AFP: variants seen among roughly 807,000 people sequenced by gnomAD.
The protein encoded by AFP is alpha-fetoprotein.
A neutral mutation model predicts 78.9 loss-of-function variants in AFP; 64 were observed. The ratio of observed to expected loss-of-function variants is 0.81; its 90% confidence interval spans 0.66 to 1.00. AFP has a LOEUF of 1.00. Ranked by LOEUF, AFP falls within the 50% of genes least tolerant of loss-of-function variation. The pLI is 0.00. For missense variants in AFP, 689 were observed against 703.8 expected (o/e 0.98, Z 0.24); for synonymous variants, 254 against 243.8 (o/e 1.04, Z -0.39).
chr4:73,437,866 A>T (rs1203056339), intron 2 of AFP, among the ~76,000 whole-genome samples: 1 of 152,004 alleles, frequency 6.6e-6, no homozygotes, highest in African/African-American at 2.4e-5. Flanking sequence ...AAGAATATAG[A>T]TACCCTCAAT....
At position 73,455,934 on chromosome 4, in the gene AFP, T is replaced by C; in HGVS notation, c.*314T>C. The stretch of plus-strand genomic sequence containing the variant: ...GATGGATTTACAGCACTAGATCACT[T>C]GGTGAACTGAAAAATGTTCCCAAGT... On this transcript the variant is annotated 3_prime_UTR_variant, in exon 15 of 15. Transcript: ENST00000395792. 1 of 365,342 alleles carries C rather than the reference T, an allele frequency of 2.7e-6. No homozygotes were observed. Among genetic ancestry groups the C allele is most frequent in the Non-Finnish European group, 4.9e-6 (1 of 205,126 alleles). 22.6% of individuals were successfully genotyped at this position (365,342 alleles called of 1,614,324 possible). A position where few individuals can be genotyped will look rare whatever the true frequency, so the allele number is the denominator to read the frequency against.
chr4:73,447,424 A>G, intron 7 of AFP, 38 bp from the exon 8 acceptor site: 2 of 1,451,892 alleles, frequency 1.4e-6, no homozygotes, highest in Non-Finnish European at 1.9e-6. Flanking sequence ...ATTAAAGAAT[A>G]AATCTTTAAA....
chr4:73,445,075 C>T lies in AFP; in HGVS notation c.796C>T (p.His266Tyr). Reference protein sequence around the residue: ...QKLVLDVAHVHEHCCRGDVLD... With the variant: ...QKLVLDVAHVYEHCCRGDVLD... ...ACTAGTCCTGGATGTGGCCCATGTA[C>T]ATGAGCACTGTTGCAGAGGAGATGT... Residue 266 changes from histidine to tyrosine, a missense_variant, in exon 7 of 15, where the codon CAT (histidine) becomes TAT (tyrosine). Transcript: ENST00000395792. 1.2e-6 allele frequency: 2 copies of T among 1,613,978 alleles called. No homozygotes were observed. The highest frequency in any genetic ancestry group is 1.7e-6 in the Non-Finnish European group (2 of 1,179,916).
At position 73,449,916 on chromosome 4, in the gene AFP, A is replaced by T. The variant is rs1343426646; in HGVS notation, c.1192-120A>T. The T allele has an allele frequency of 1.6e-5, 11 of 685,528 alleles. No individual in the cohort carries two copies. The African/African-American group carries it at 2.0e-4, about 13-fold the overall frequency. 42.5% of individuals were successfully genotyped at this position (685,528 alleles called of 1,614,324 possible). A position where few individuals can be genotyped will look rare whatever the true frequency, so the allele number is the denominator to read the frequency against. On this transcript the variant is annotated intron_variant, in intron 9 of 14. Coordinates refer to ENST00000395792, the MANE Select transcript of AFP (RefSeq NM_001134.3). ...ATTATCAAAATTTACACTTTACCATATTTAATATTTAAACATCTCTGATTG... is the reference window on the plus strand; with the variant it reads ...ATTATCAAAATTTACACTTTACCATTTTTAATATTTAAACATCTCTGATTG...
chr4:73,442,363 C>G lies in AFP; in HGVS notation c.550C>G (p.Arg184Gly). ...YAPTILLWAA[R>G]YDKIIPSCCK... is the part of the protein sequence containing the mutation. ...ACCTACAATTCTTCTTTGGGCTGCT[C>G]GCTATGACAAAATAATTCCATCTTG... The change falls in exon 5 of 15, where the codon CGC becomes GGC. Residue 184 changes from arginine to glycine, a missense_variant. Transcript: ENST00000395792. 6.2e-7 allele frequency: 1 copy of G among 1,613,954 alleles called. No individual in the cohort carries two copies. Among genetic ancestry groups the G allele is most frequent in the Non-Finnish European group, 8.5e-7 (1 of 1,179,888 alleles).
At chr4:73,452,113 A>T (rs1334126894) in intron 11 of AFP, among the ~76,000 whole-genome samples, 1 of 152,212 alleles carries the variant, frequency 6.6e-6, no homozygotes, top group African/African-American at 2.4e-5. Flanking sequence ...AGAAGTGTGT[A>T]TGTAACTGGA....
In AFP at chr4:73,450,536, A is replaced by C. The variant is rs1394211797; in HGVS notation, c.1290-79A>C. The C allele has an allele frequency of 3.8e-6, 6 of 1,598,276 alleles. No individual in the cohort carries two copies. The South Asian group carries it at 5.5e-5, about 15-fold the overall frequency. ...CTCATGTCTTCTGGCATGAGAGTAG[A>C]GAGTCTGTGAGAAGAAGCAAGGCGG... On this transcript the variant is annotated intron_variant, in intron 10 of 14. Coordinates refer to ENST00000395792, the MANE Select transcript of AFP (RefSeq NM_001134.3).
chr4:73,440,819 G>C lies in AFP; in HGVS notation c.482+6G>C, dbSNP rs1371663463. 4 of 1,611,902 alleles carry C rather than the reference G, an allele frequency of 2.5e-6. No individual in the cohort carries two copies. In the Admixed American group the frequency reaches 6.7e-5, roughly 27 times the overall value. ...AGGGAGACATTCATGAACAAGTAAG[G>C]ATCCAGTTTAAAGGTAGATGCAAAC... is the stretch of plus-strand genomic sequence containing the variant. On this transcript the variant is annotated splice_donor_region_variant and intron_variant, in intron 4 of 14. Transcript: ENST00000395792.
At chr4:73,438,117 A>G (rs1719559914) in intron 2 of AFP, 57 bp from the exon 3 acceptor site, 4 of 1,604,422 alleles carry the variant, frequency 2.5e-6, no homozygotes, top group Non-Finnish European at 3.4e-6. Context: ...TATACTTGAG[A>G]AAAATAAGCT....
rs1391027300 is a variant in AFP at position 73,450,065 on chromosome 4, G to A, written c.1221G>A (p.Glu407=). The change falls in exon 10 of 15, where the codon GAG becomes GAA. Residue 407 remains glutamate (E), a synonymous_variant. Coordinates refer to ENST00000395792, the MANE Select transcript of AFP (RefSeq NM_001134.3). ...GEEELQKYIQ[E]SQALAKRSCG... is the part of the protein sequence containing the mutation. The stretch of plus-strand genomic sequence containing the variant: ...AAGAATTACAGAAATACATCCAGGA[G>A]AGCCAAGCATTGGCAAAGCGAAGCT... 5.6e-6 allele frequency: 9 copies of A among 1,613,350 alleles called. No homozygotes were observed. Among genetic ancestry groups the A allele is most frequent in the African/African-American group, 1.3e-5 (1 of 74,884 alleles).
chr4:73,455,131 T>C (rs536128451), intron 13 of AFP, 105 bp from the exon 14 acceptor site: 4 of 909,712 alleles, frequency 4.4e-6, no homozygotes, highest in Admixed American at 3.7e-5. Flanking sequence ...TTTAACTTAG[T>C]TAATCTACAA....
chr4:73,445,306 C>T (rs1179217644), intron 7 of AFP, among the ~76,000 whole-genome samples, 184 bp downstream of exon 7: 1 of 152,116 alleles, frequency 6.6e-6, no homozygotes, highest in Non-Finnish European at 1.5e-5. Flanking sequence ...TCCTGGCTTT[C>T]ACTTTAGCTA....
intron 7 of AFP, among the ~76,000 whole-genome samples, chr4:73,446,423 C>A (rs1719827653): frequency 6.6e-6 from 1 of 152,122 alleles, no homozygotes; most frequent in Non-Finnish European, 1.5e-5. Flanking sequence ...ATTTTGATAG[C>A]TGAATAATGG....
rs1577959825 is a variant in AFP, at chr4:73,452,740, A to T, written c.1652+116A>T. 3 of 839,718 alleles carry T rather than the reference A, an allele frequency of 3.6e-6. No individual in the cohort carries two copies. In the East Asian group the frequency reaches 7.9e-5, roughly 22 times the overall value. The allele number at this position is 839,718 out of a possible 1,614,324, so 52.0% of individuals were successfully genotyped here. ...TCACTAACAGAGCGTTACTCCCAAA[A>T]CACTTAAAATGCCTTTGAAAATAGT... On this transcript the variant is annotated intron_variant, in intron 12 of 14. Transcript: ENST00000395792.
chr4:73,447,918 T>C (rs138186485), intron 8 of AFP, among the ~76,000 whole-genome samples: 238 of 152,274 alleles, frequency 1.6e-3, no homozygotes, highest in African/African-American at 5.5e-3. Context: ...CTTATGAAGC[T>C]GAATTTTATT....
chr4:73,442,572 G>A (rs1041174628), intron 5 of AFP, 144 bp downstream of exon 5: 42 of 970,936 alleles, frequency 4.3e-5, no homozygotes, highest in Non-Finnish European at 6.1e-5. Flanking sequence ...GATATTCTTC[G>A]AGTGAACAAA....
intron 6 of AFP, 104 bp downstream of exon 6, chr4:73,443,548 C>A: frequency 1.2e-6 from 1 of 809,868 alleles, no homozygotes; most frequent in Non-Finnish European, 2.1e-6. Flanking sequence ...GAATGAAGAC[C>A]CCTTTGTGAC....
Position 73,455,954 on chromosome 4 carries a change from C to T in AFP, c.*334C>T. The T allele has an allele frequency of 3.1e-6, 1 of 319,334 alleles. No homozygotes were observed. Among genetic ancestry groups the T allele is most frequent in the East Asian group, 6.3e-5 (1 of 15,802 alleles). 19.8% of individuals were successfully genotyped at this position (319,334 alleles called of 1,614,324 possible). On this transcript the variant is annotated 3_prime_UTR_variant, in exon 15 of 15. Coordinates refer to ENST00000395792, the MANE Select transcript of AFP (RefSeq NM_001134.3). ...TCACTTGGTGAACTGAAAAATGTTC[C>T]CAAGTTAAACACTATTTGATGCTAC...
chr4:73,456,015 G>A lies in AFP; in HGVS notation c.*395G>A, dbSNP rs1177663916. The A allele has an allele frequency of 2.0e-5, 4 of 199,432 alleles. No homozygotes were observed. The highest frequency in any genetic ancestry group is 2.7e-4 in the South Asian group (2 of 7,298). 12.4% of individuals were successfully genotyped at this position (199,432 alleles called of 1,614,324 possible). On this transcript the variant is annotated 3_prime_UTR_variant, in exon 15 of 15. Coordinates refer to ENST00000395792, the MANE Select transcript of AFP (RefSeq NM_001134.3). ...TGTTTATTAAATGACCATCACTGAA[G>A]TATTCTAACAGATAATCTGGAGATG... is the stretch of plus-strand genomic sequence containing the variant.
Sources: allele counts gnomAD v4.1 joint callset (sites outside exome capture counted in the v4.1 genomes callset), GRCh38; gene constraint gnomAD v4.1.1; transcripts MANE v1.5; gene names NCBI Gene and HGNC (gene_info 2026-07-23, HGNC 2026-07-21).